Variants in DNM3 observed in about 807,000 individuals in gnomAD.
DNM3 encodes dynamin 3.
In DNM3, 47 loss-of-function variants were observed where a neutral mutation model predicts 101.6. The ratio of observed to expected loss-of-function variants is 0.46; its 90% CI spans 0.37 to 0.59. The LOEUF is 0.59. DNM3 is among the 20% of genes least tolerant of loss of function. DNM3 has a pLI of 0.00. For missense variants in DNM3, 849 were observed against 1,085.7 expected (o/e 0.78, Z 3.06); for synonymous variants, 385 against 387.9 (o/e 0.99, Z 0.09).
chr1:172,350,296 T>C (rs1371926666), intron 17 of DNM3, among the ~76,000 whole-genome samples: 1 of 147,974 alleles, frequency 6.8e-6, no homozygotes, highest in Non-Finnish European at 1.5e-5. Context: ...CTCACATTTT[T>C]CATACCCTTC....
At chr1:172,008,813 A>C (rs1404962098) in intron 4 of DNM3, among the ~76,000 whole-genome samples, 1 of 138,002 alleles carries the variant, frequency 7.2e-6, no homozygotes, top group Non-Finnish European at 1.5e-5. Context: ...TAATATATAA[A>C]TATTAATATG....
At chr1:171,909,288 C>A (rs949265425) in intron 1 of DNM3, among the ~76,000 whole-genome samples, 1 of 151,904 alleles carries the variant, frequency 6.6e-6, no homozygotes, top group Non-Finnish European at 1.5e-5. Flanking sequence ...CAAAAATTAG[C>A]CAGGTGTGGT....
At chr1:171,936,544 A>C (rs1171593115) in intron 2 of DNM3, among the ~76,000 whole-genome samples, 1 of 152,194 alleles carries the variant, frequency 6.6e-6, no homozygotes, top group Non-Finnish European at 1.5e-5. Context: ...CTAAAATAAG[A>C]AATCACAAAG....
At chr1:172,378,458 A>G (rs1465924671) in intron 17 of DNM3, among the ~76,000 whole-genome samples, 1 of 152,126 alleles carries the variant, frequency 6.6e-6, no homozygotes, top group Non-Finnish European at 1.5e-5. Flanking sequence ...AATTTACGTA[A>G]CAAATTCCAG....
rs148642006 is a variant in DNM3, at chr1:172,321,994, C to T, written c.1882-1335C>T. 2.1e-4 allele frequency among the ~76,000 whole-genome samples: 32 copies of T among 152,128 alleles called. No homozygotes were observed. In the East Asian group the frequency reaches 3.7e-3, roughly 17 times the overall value. ...TGTCTCAGATAAGCCAGGGTGTTAA[C>T]GGTTATATCACGGCAACTCACAATG... On this transcript the variant is annotated intron_variant, in intron 16 of 20. Coordinates refer to ENST00000627582, the MANE Select transcript of DNM3 (RefSeq NM_015569.5).
chr1:172,179,393 C>A (rs1166112255), intron 14 of DNM3, among the ~76,000 whole-genome samples: 2 of 151,658 alleles, frequency 1.3e-5, no homozygotes, highest in Non-Finnish European at 2.9e-5. Flanking sequence ...TTGGTATGAA[C>A]GTGCTTTGAA....
intron 2 of DNM3, among the ~76,000 whole-genome samples, chr1:171,941,701 C>G (rs1435452283): frequency 2.6e-5 from 4 of 152,086 alleles, no homozygotes; most frequent in African/African-American, 7.2e-5. Flanking sequence ...TCATAGTATC[C>G]CTACTTTATG....
At chr1:172,186,518 T>TC (rs900126936) in intron 14 of DNM3, among the ~76,000 whole-genome samples, 40 of 151,898 alleles carry the variant, frequency 2.6e-4, no homozygotes, top group Admixed American at 2.2e-3. Context: ...GACAATGCTG[T>TC]CCCCCCCTTT....
At chr1:172,281,442 G>C (rs1000201173) in intron 15 of DNM3, among the ~76,000 whole-genome samples, 1 of 152,078 alleles carries the variant, frequency 6.6e-6, no homozygotes, top group Non-Finnish European at 1.5e-5. Context: ...TAAGTAATCT[G>C]TGAGCTGACA....
At position 172,253,691 on chromosome 1, in the gene DNM3, T is replaced by C. The variant is rs781152832; in HGVS notation, c.1769+9T>C. 7.5e-5 allele frequency: 115 copies of C among 1,526,290 alleles called. No homozygotes were observed. The highest frequency in any genetic ancestry group is 1.7e-4 in the Middle Eastern group (1 of 5,918). 94.5% of individuals were successfully genotyped at this position (1,526,290 alleles called of 1,614,324 possible). On this transcript the variant is annotated intron_variant, in intron 15 of 20. Transcript: ENST00000627582. ...TTTAATACAGAGCAAAGGTAAGAAA[T>C]TGAAACAGTTCCTGTCTTCAGATTT... is the stretch of plus-strand genomic sequence containing the variant.
chr1:172,185,103 T>C (rs2059478231), intron 14 of DNM3, among the ~76,000 whole-genome samples: 1 of 151,988 alleles, frequency 6.6e-6, no homozygotes, highest in East Asian at 1.9e-4. Flanking sequence ...TGAAGATAAG[T>C]AGGTTTTGCT....
At chr1:172,288,228 C>G (rs1250276130) in intron 15 of DNM3, among the ~76,000 whole-genome samples, 2 of 152,168 alleles carry the variant, frequency 1.3e-5, no homozygotes, top group African/African-American at 4.8e-5. Context: ...ATACAGTGAC[C>G]TGTCCATTTG....
At chr1:172,058,179 A>G (rs1001648361) in intron 10 of DNM3, among the ~76,000 whole-genome samples, 2 of 150,280 alleles carry the variant, frequency 1.3e-5, no homozygotes, top group African/African-American at 4.9e-5. Flanking sequence ...ATACAGGAGC[A>G]CCCAGATTCA....
intron 8 of DNM3, among the ~76,000 whole-genome samples, chr1:172,042,954 C>T (rs2125840513): frequency 6.6e-6 from 1 of 152,186 alleles, no homozygotes; most frequent in Admixed American, 6.5e-5. Context: ...AACAGTAGGC[C>T]AGACCAGGGG....
chr1:172,090,798 G>A (rs2053857007), intron 12 of DNM3, among the ~76,000 whole-genome samples: 1 of 152,152 alleles, frequency 6.6e-6, no homozygotes, highest in Non-Finnish European at 1.5e-5. Flanking sequence ...TAAGTGTGGT[G>A]TTGATTTCTA....
chr1:172,280,918 T>C (rs1573273937), intron 15 of DNM3, among the ~76,000 whole-genome samples: 1 of 152,122 alleles, frequency 6.6e-6, no homozygotes, highest in East Asian at 1.9e-4. Flanking sequence ...GTGAAAGGAC[T>C]AGATAAAAGT....
chr1:172,223,840 C>T (rs1394073769), intron 14 of DNM3, among the ~76,000 whole-genome samples: 1 of 152,202 alleles, frequency 6.6e-6, no homozygotes, highest in Admixed American at 6.5e-5. Context: ...GTGTAGCTCT[C>T]ATCAATCACT....
chr1:172,145,673 T>A (rs982482175), intron 14 of DNM3, among the ~76,000 whole-genome samples: 1 of 152,196 alleles, frequency 6.6e-6, no homozygotes, highest in African/African-American at 2.4e-5. Flanking sequence ...AGTTTTTGTT[T>A]GAAGCATCCA....
chr1:171,922,050 T>C (rs1303506724), intron 2 of DNM3, among the ~76,000 whole-genome samples: 1 of 152,138 alleles, frequency 6.6e-6, no homozygotes, highest in African/African-American at 2.4e-5. Context: ...TAAAAAAATG[T>C]TTTATTGCTC....
Sources: gnomAD v4.1 joint callset for allele counts (sites outside exome capture counted in the v4.1 genomes callset) on GRCh38, gnomAD v4.1.1 for gene constraint, MANE v1.5 for transcripts, NCBI Gene and HGNC (gene_info 2026-07-23, HGNC 2026-07-21) for gene names.